The following PALLD variants were observed in gnomAD, a reference collection of about 807,000 sequenced individuals.
PALLD encodes palladin, cytoskeletal associated protein.
A neutral mutation model predicts 123.5 loss-of-function variants in PALLD; 61 were observed. That is an observed-to-expected ratio of 0.49 (90% confidence interval 0.40 to 0.61). PALLD has a LOEUF of 0.61. Ranked by LOEUF, PALLD falls within the 20% of genes least tolerant of loss-of-function variation. The pLI is 0.00. For synonymous variants in PALLD, 465 were observed against 496.4 expected, an observed-to-expected ratio of 0.94 and a Z score of 0.84; for missense variants, 1,273 against 1,377.0, an observed-to-expected ratio of 0.92 and a Z score of 1.20.
At chr4:168,761,208 C>T (rs1413419667) in intron 10 of PALLD, among the ~76,000 whole-genome samples, 1 of 152,174 alleles carries the variant, frequency 6.6e-6, no homozygotes, top group East Asian at 1.9e-4. Flanking sequence ...TTAAGACACA[C>T]ATTTCCATGG....
At chr4:168,527,136 G>A (rs112094135) in intron 2 of PALLD, among the ~76,000 whole-genome samples, 4,724 of 152,134 alleles carry the variant, frequency 0.031, 119 homozygotes, top group South Asian at 0.15. Flanking sequence ...CAATCCTTCC[G>A]AGGTGACACG....
At chr4:168,736,597 G>A (rs1787778888) in intron 10 of PALLD, among the ~76,000 whole-genome samples, 1 of 152,150 alleles carries the variant, frequency 6.6e-6, no homozygotes, top group Non-Finnish European at 1.5e-5. Flanking sequence ...TCCAGCAAAG[G>A]CGAATGGAAT....
intron 16 of PALLD, among the ~76,000 whole-genome samples, chr4:168,914,783 T>C (rs1759760836): frequency 6.6e-6 from 1 of 152,210 alleles, no homozygotes; most frequent in African/African-American, 2.4e-5. Flanking sequence ...GTGAAGAGAA[T>C]ACATAGTTAG....
chr4:168,600,605 T>C lies in PALLD; in HGVS notation c.909-67585T>C, dbSNP rs140523768. Among the ~76,000 whole-genome samples, 90 of 152,258 alleles carry C rather than the reference T, an allele frequency of 5.9e-4. 2 individuals are homozygous for C. In the Middle Eastern group the frequency reaches 0.01, roughly 17 times the overall value. ...TAATCACAATCTGTGACCAGAACTT[T>C]AGGAAAAACATGAACCCAGAATTTC... On this transcript the variant is annotated intron_variant, in intron 2 of 21. Coordinates refer to ENST00000505667, the MANE Select transcript of PALLD (RefSeq NM_001166108.2).
chr4:168,505,943 A>T (rs770300249), intron 1 of PALLD: 2 of 152,232 alleles, frequency 1.3e-5, no homozygotes, highest in Non-Finnish European at 2.9e-5. Context: ...CTCAACTCTG[A>T]CATTGGTTCA....
intron 10 of PALLD, among the ~76,000 whole-genome samples, chr4:168,868,339 T>G (rs927637545): frequency 1.3e-5 from 2 of 152,184 alleles, no homozygotes; most frequent in Non-Finnish European, 2.9e-5. Context: ...AGGAGTGCTA[T>G]TACCAGATGA....
At chr4:168,696,571 C>T (rs533938820) in intron 8 of PALLD, among the ~76,000 whole-genome samples, 2 of 151,932 alleles carry the variant, frequency 1.3e-5, no homozygotes, top group Admixed American at 1.3e-4. Context: ...TAAAAGGGAA[C>T]TTTGAGAAAA....
At chr4:168,878,232 C>T in intron 10 of PALLD, 4 of 1,521,596 alleles carry the variant, frequency 2.6e-6, no homozygotes, top group Non-Finnish European at 1.8e-6. Flanking sequence ...CCGCCGCCAC[C>T]ACCGCCGCTC....
intron 3 of PALLD, among the ~76,000 whole-genome samples, chr4:168,674,278 C>T (rs1406185990): frequency 1.3e-5 from 2 of 152,062 alleles, no homozygotes; most frequent in African/African-American, 4.8e-5. Flanking sequence ...CCGGTAGTTG[C>T]AAATATAAAC....
At chr4:168,611,740 C>T (rs1044588435) in intron 2 of PALLD, among the ~76,000 whole-genome samples, 4 of 152,134 alleles carry the variant, frequency 2.6e-5, no homozygotes, top group Admixed American at 1.3e-4. Flanking sequence ...ATACTGCTCA[C>T]GGATTTTTCT....
intron 14 of PALLD, among the ~76,000 whole-genome samples, chr4:168,900,916 C>G (rs1756375318): frequency 6.6e-6 from 1 of 152,160 alleles, no homozygotes; most frequent in East Asian, 1.9e-4. Context: ...TACTTTCAAA[C>G]CTTACACAAG....
At chr4:168,501,098 A>G (rs757816429) in intron 1 of PALLD, among the ~76,000 whole-genome samples, 9 of 152,182 alleles carry the variant, frequency 5.9e-5, no homozygotes, top group Non-Finnish European at 1.3e-4. Context: ...CTATAAATTA[A>G]GTGACATAAA....
chr4:168,631,473 TA>T, intron 2 of PALLD: 1 of 401,304 alleles, frequency 2.5e-6, no homozygotes, highest in Non-Finnish European at 3.4e-6. Context: ...AAAGCCGTCC[TA>T]AGTGCGATAA....
chr4:168,752,063 G>A (rs1348817050), intron 10 of PALLD, among the ~76,000 whole-genome samples: 1 of 152,234 alleles, frequency 6.6e-6, no homozygotes, highest in East Asian at 1.9e-4. Flanking sequence ...GAATTCACAA[G>A]ATCAGGCTCA....
At chr4:168,585,166 C>A (rs1024527945) in intron 2 of PALLD, among the ~76,000 whole-genome samples, 1 of 152,112 alleles carries the variant, frequency 6.6e-6, no homozygotes, top group Non-Finnish European at 1.5e-5. Context: ...TCATGATGTA[C>A]AACAAAAACA....
intron 2 of PALLD, among the ~76,000 whole-genome samples, chr4:168,616,199 C>G (rs935809519): frequency 9.2e-5 from 14 of 152,132 alleles, no homozygotes; most frequent in African/African-American, 3.4e-4. Context: ...TTAACTCTAA[C>G]TTGTTTTATT....
chr4:168,512,461 G>A, intron 2 of PALLD, 49 bp downstream of exon 2: 1 of 1,514,458 alleles, frequency 6.6e-7, no homozygotes, highest in Non-Finnish European at 9.1e-7. Flanking sequence ...TGACTTTGGT[G>A]TTACTTTAAT....
At chr4:168,788,659 T>C (rs1186821763) in intron 10 of PALLD, among the ~76,000 whole-genome samples, 1 of 152,118 alleles carries the variant, frequency 6.6e-6, no homozygotes, top group Non-Finnish European at 1.5e-5. Context: ...GGTCATCAGT[T>C]CTAGCCAGCG....
rs868203435 is a variant in PALLD, at chr4:168,649,972, G to A, written c.909-18218G>A. 3.5e-4 allele frequency among the ~76,000 whole-genome samples: 53 copies of A among 152,140 alleles called. No individual in the cohort carries two copies. In the Middle Eastern group the frequency reaches 0.048, roughly 137 times the overall value. On this transcript the variant is annotated intron_variant, in intron 2 of 21. Coordinates refer to ENST00000505667, the MANE Select transcript of PALLD (RefSeq NM_001166108.2). ...GGCGGGCACCTGAGGTCAGGAGTTC[G>A]AGACTAGCCTGGCCAACATGGTGAA...
Sources: allele counts gnomAD v4.1 joint callset (sites outside exome capture counted in the v4.1 genomes callset), GRCh38; gene constraint gnomAD v4.1.1; transcripts MANE v1.5; gene names NCBI Gene and HGNC (gene_info 2026-07-23, HGNC 2026-07-21).